Variants in DPYSL2 observed in about 807,000 individuals in gnomAD.
DPYSL2 encodes dihydropyrimidinase-related protein 2.
A neutral mutation model predicts 69.9 loss-of-function variants in DPYSL2; 13 were observed. That is an observed-to-expected ratio of 0.19 (90% CI 0.12 to 0.30). The LOEUF (loss-of-function observed/expected upper bound fraction) is 0.30. Ranked by LOEUF, DPYSL2 falls within the 10% of genes least tolerant of loss-of-function variation. The pLI, the probability that DPYSL2 is intolerant of heterozygous loss-of-function variation, is 1.00. For missense variants in DPYSL2, 587 were observed against 918.9 expected (o/e 0.64, Z 4.67); for synonymous variants, 326 against 359.1 (o/e 0.91, Z 1.04).
At chr8:26,638,619 G>T (rs1802971116) in intron 8 of DPYSL2, among the ~76,000 whole-genome samples, 1 of 152,210 alleles carries the variant, frequency 6.6e-6, no homozygotes, top group African/African-American at 2.4e-5. Context: ...TTCAGCCGGG[G>T]AGTGGTGTGT....
chr8:26,577,606 C>T (rs1164228183), intron 1 of DPYSL2, among the ~76,000 whole-genome samples: 1 of 150,156 alleles, frequency 6.7e-6, no homozygotes, highest in South Asian at 2.1e-4. Flanking sequence ...GGGTGCCGCC[C>T]CTCCCCCCGG....
chr8:26,561,751 T>A (rs1437246868), intron 1 of DPYSL2, among the ~76,000 whole-genome samples: 1 of 152,194 alleles, frequency 6.6e-6, no homozygotes, highest in Non-Finnish European at 1.5e-5. Flanking sequence ...GTAAAGAGCA[T>A]GCAACCTATA....
chr8:26,577,661 G>T (rs1801383467), intron 1 of DPYSL2, among the ~76,000 whole-genome samples: 1 of 150,324 alleles, frequency 6.7e-6, no homozygotes, highest in Non-Finnish European at 1.5e-5. Context: ...CCCAGGCCGC[G>T]CCTGGGGCCG....
chr8:26,527,278 T>G (rs1277827548), intron 1 of DPYSL2, among the ~76,000 whole-genome samples: 1 of 152,244 alleles, frequency 6.6e-6, no homozygotes, highest in Non-Finnish European at 1.5e-5. Flanking sequence ...ATGTGATAAG[T>G]TATATTCTCT....
chr8:26,643,977 C>G lies in DPYSL2; in HGVS notation c.1311C>G (p.Ala437=), dbSNP rs113213704. The part of the protein sequence containing the change: ...SCGDLQVTGS[A]HCTFNTAQKA... The stretch of plus-strand genomic sequence containing the variant: ...GAGACCTCCAGGTCACGGGCAGTGC[C>G]CATTGCACGTTTAACACTGCCCAGA... Residue 437 remains alanine, a synonymous_variant, in exon 10 of 14, where the codon GCC becomes GCG. Coordinates refer to ENST00000521913, the MANE Select transcript of DPYSL2 (RefSeq NM_001197293.3). This position sits in a 1 kb window ranked among gnomAD's most constrained non-coding sequence, Gnocchi z 6.5. 2.5e-3 allele frequency: 3,965 copies of G among 1,614,168 alleles called. 123 individuals are homozygous for G. The Admixed American group carries it at 0.054, about 22-fold the overall frequency.
chr8:26,529,276 C>CTATCT (rs1554531948), intron 1 of DPYSL2, among the ~76,000 whole-genome samples: 95 of 136,374 alleles, frequency 7.0e-4, no homozygotes, highest in African/African-American at 2.5e-3. Context: ...ATCTATCTAT[C>CTATCT]ATCTATCTAT....
intron 3 of DPYSL2, among the ~76,000 whole-genome samples, chr8:26,590,918 G>C (rs1441630167): frequency 6.6e-6 from 1 of 152,248 alleles, no homozygotes; most frequent in Non-Finnish European, 1.5e-5. Flanking sequence ...AGGCCTGTGG[G>C]GGTTAGGAAC....
chr8:26,549,301 AG>A (rs1422488402), intron 1 of DPYSL2, among the ~76,000 whole-genome samples: 3 of 152,130 alleles, frequency 2.0e-5, no homozygotes, highest in Non-Finnish European at 4.4e-5. Flanking sequence ...ATTGATCAAG[AG>A]GCAGGACCCA....
intron 1 of DPYSL2, among the ~76,000 whole-genome samples, chr8:26,573,836 CA>C (rs145546482): frequency 0.011 from 875 of 82,320 alleles, 3 homozygotes; most frequent in East Asian, 0.033. Flanking sequence ...GACTCCACCT[CA>C]AAAAAAAAAA....
chr8:26,576,924 C>T (rs1801359100), intron 1 of DPYSL2: 1 of 283,472 alleles, frequency 3.5e-6, no homozygotes, highest in Non-Finnish European at 6.9e-6. Context: ...CGCTGCGCCC[C>T]CACGCACCCC....
At position 26,647,791 on chromosome 8, in the gene DPYSL2, A is replaced by G. The variant is rs139163162; in HGVS notation, c.1587A>G (p.Thr529=). Reference sequence around the variant, plus strand: ...GCGTTAAAACCATCTCTGCCAAGACACACAACAGCGTAAGACCTGTTAACT... The same window carrying G: ...GCGTTAAAACCATCTCTGCCAAGACGCACAACAGCGTAAGACCTGTTAACT... ...PDSVKTISAK[T]HNSSLEYNIF... The change falls in exon 11 of 14, where the codon ACA becomes ACG. Residue 529 remains threonine, a synonymous_variant. Transcript: ENST00000521913. This position sits in a 1 kb window ranked among gnomAD's most constrained non-coding sequence, Gnocchi z 5.1. The G allele has an allele frequency of 1.4e-5, 23 of 1,613,256 alleles. No individual in the cohort carries two copies. The South Asian group carries it at 2.3e-4, about 16-fold the overall frequency.
chr8:26,655,779 C>A lies in DPYSL2; in HGVS notation c.*73C>A. 1 of 1,228,494 alleles carries A rather than the reference C, an allele frequency of 8.1e-7. No individual in the cohort carries two copies. Among genetic ancestry groups the A allele is most frequent in the Non-Finnish European group, 1.1e-6 (1 of 908,790 alleles). The allele number at this position is 1,228,494 out of a possible 1,614,324, so 76.1% of individuals were successfully genotyped here. A position where few individuals can be genotyped will look rare whatever the true frequency, so the allele number is the denominator to read the frequency against. On this transcript the variant is annotated 3_prime_UTR_variant, in exon 14 of 14. Coordinates refer to ENST00000521913, the MANE Select transcript of DPYSL2 (RefSeq NM_001197293.3). ...AGGACATTCTGAGACTTCTTTCTTC[C>A]TTCCTTTTTTTTTTTTTGTTTTTTT...
chr8:26,541,985 T>C (rs1800692243), intron 1 of DPYSL2, among the ~76,000 whole-genome samples: 2 of 152,162 alleles, frequency 1.3e-5, no homozygotes, highest in Admixed American at 6.5e-5. Flanking sequence ...TCAAAAGGTG[T>C]AGAGGCTGGG....
intron 11 of DPYSL2, among the ~76,000 whole-genome samples, chr8:26,649,332 C>G (rs1437633938): frequency 6.6e-6 from 1 of 152,188 alleles, no homozygotes; most frequent in African/African-American, 2.4e-5. Flanking sequence ...GTTGCTTCCC[C>G]CAGAGGTGCT....
intron 1 of DPYSL2, among the ~76,000 whole-genome samples, chr8:26,525,688 C>T (rs550522161): frequency 2.0e-5 from 3 of 152,200 alleles, no homozygotes; most frequent in Admixed American, 6.5e-5. Context: ...TTATATACAC[C>T]AGGATCAGTT....
intron 1 of DPYSL2, among the ~76,000 whole-genome samples, chr8:26,576,687 G>A (rs977589634): frequency 1.3e-5 from 2 of 152,242 alleles, no homozygotes; most frequent in Admixed American, 6.5e-5. Flanking sequence ...TGGGCAGTCA[G>A]GACACTCTTG....
At position 26,565,965 on chromosome 8, in the gene DPYSL2, C is replaced by T. The variant is rs909011662; in HGVS notation, c.355-16004C>T. ...TGCGTTGGCTAGAACTCTGTCACAT[C>T]TCACTGCCGATGAGGGTGGGAAATG... On this transcript the variant is annotated intron_variant, in intron 1 of 13. Transcript: ENST00000521913. The surrounding 1 kb of genome is among the most constrained non-coding windows in gnomAD (Gnocchi z 4.1). Among the ~76,000 whole-genome samples the T allele has an allele frequency of 1.2e-4, 18 of 152,200 alleles. No homozygotes were observed. Among genetic ancestry groups the T allele is most frequent in the African/African-American group, 4.1e-4 (17 of 41,452 alleles).
chr8:26,568,253 C>A (rs1424886296), intron 1 of DPYSL2, among the ~76,000 whole-genome samples: 1 of 152,122 alleles, frequency 6.6e-6, no homozygotes, highest in Non-Finnish European at 1.5e-5. Context: ...AGCCCCCAGC[C>A]CAAGCCTAGG....
At chr8:26,574,555 G>A (rs1048761798) in intron 1 of DPYSL2, among the ~76,000 whole-genome samples, 4 of 152,164 alleles carry the variant, frequency 2.6e-5, no homozygotes, top group Non-Finnish European at 4.4e-5. Context: ...GGAAAGTGGA[G>A]GTTTGGGAAG....
Sources: allele counts gnomAD v4.1 joint callset (sites outside exome capture counted in the v4.1 genomes callset), GRCh38; gene constraint gnomAD v4.1.1; non-coding constraint Gnocchi (gnomAD v3.1); transcripts MANE v1.5; gene names NCBI Gene and HGNC (gene_info 2026-07-23, HGNC 2026-07-21).